The following SLC26A7 variants were observed in gnomAD, a reference collection of about 807,000 sequenced individuals.
SLC26A7 encodes the protein solute carrier family 26 member 7.
In SLC26A7, 59 loss-of-function variants were observed where a neutral mutation model predicts 82.5. That is an observed-to-expected ratio of 0.72 (90% confidence interval 0.58 to 0.89). The LOEUF (loss-of-function observed/expected upper bound fraction) is 0.89. Among genes scored for constraint, SLC26A7 ranks in the 40% least tolerant of loss-of-function variants. SLC26A7 has a pLI of 0.00. For synonymous variants in SLC26A7, 271 were observed against 274.3 expected, an observed-to-expected ratio of 0.99 and a Z score of 0.12; for missense variants, 820 against 793.0, an observed-to-expected ratio of 1.03 and a Z score of -0.41.
intron 1 of SLC26A7, among the ~76,000 whole-genome samples, chr8:91,214,476 A>G (rs903680902): frequency 6.6e-6 from 1 of 152,204 alleles, no homozygotes; most frequent in Admixed American, 6.6e-5. Flanking sequence ...AAGCTATAAT[A>G]GAAACCCTCA....
chr8:91,318,462 G>T, intron 5 of SLC26A7, 82 bp downstream of exon 5: 1 of 1,293,084 alleles, frequency 7.7e-7, no homozygotes, highest in Non-Finnish European at 1.0e-6. Flanking sequence ...ATAGTACTGA[G>T]ATTTTTCTGT....
At chr8:91,213,180 G>A (rs190264701) in intron 1 of SLC26A7, among the ~76,000 whole-genome samples, 2 of 152,272 alleles carry the variant, frequency 1.3e-5, no homozygotes, top group South Asian at 2.1e-4. Context: ...CACTGTGTGG[G>A]GAAGGGAATG....
chr8:91,371,397 TC>T (rs2130882056), intron 15 of SLC26A7, among the ~76,000 whole-genome samples: 1 of 151,884 alleles, frequency 6.6e-6, no homozygotes, highest in Admixed American at 6.5e-5. Flanking sequence ...TTTCCTACCC[TC>T]CCTACTTTTG....
intron 2 of SLC26A7, among the ~76,000 whole-genome samples, chr8:91,242,784 G>T (rs1810491631): frequency 6.6e-6 from 1 of 152,154 alleles, no homozygotes; most frequent in Non-Finnish European, 1.5e-5. Flanking sequence ...AAGCCACCCA[G>T]TCTATAGTGT....
At chr8:91,393,383 G>A (rs1808460392) in intron 16 of SLC26A7, among the ~76,000 whole-genome samples, 2 of 152,024 alleles carry the variant, frequency 1.3e-5, no homozygotes, top group Non-Finnish European at 2.9e-5. Context: ...CATGCACCGG[G>A]TTTGTAGAGC....
intron 2 of SLC26A7, among the ~76,000 whole-genome samples, chr8:91,269,784 T>C (rs1272195461): frequency 6.6e-6 from 1 of 152,102 alleles, no homozygotes; most frequent in Non-Finnish European, 1.5e-5. Context: ...TGTCCCATTT[T>C]CCTTTTTCTC....
At chr8:91,313,077 T>C (rs1812534611) in intron 4 of SLC26A7, among the ~76,000 whole-genome samples, 1 of 152,176 alleles carries the variant, frequency 6.6e-6, no homozygotes, top group East Asian at 1.9e-4. Context: ...GATGTTATGA[T>C]GCTTTTGCTC....
intron 15 of SLC26A7, among the ~76,000 whole-genome samples, chr8:91,386,383 A>C (rs973648509): frequency 2.6e-5 from 4 of 152,118 alleles, no homozygotes. Context: ...TTTCTACGGA[A>C]ATTTTTGAAC....
intron 6 of SLC26A7, among the ~76,000 whole-genome samples, chr8:91,334,915 G>A (rs1443809006): frequency 6.6e-6 from 1 of 152,056 alleles, no homozygotes. Context: ...TTCATTGAAA[G>A]GATGCTCATG....
Position 91,241,099 on chromosome 8 carries a change from C to T in SLC26A7, c.-33-8520C>T, listed in dbSNP as rs895371983. Among the ~76,000 whole-genome samples the T allele has an allele frequency of 4.8e-4, 73 of 152,196 alleles. 1 individual carries two copies. The highest frequency in any genetic ancestry group is 1.7e-3 in the African/African-American group (71 of 41,536). ...AGATTTATTCTCAGAGATGTCTACC[C>T]TAGTGTTATCTGTAATAATAATAAA... On this transcript the variant is annotated intron_variant, in intron 2 of 5. Transcript: ENST00000522862.
In SLC26A7 at chr8:91,352,994, T is replaced by A. The variant is rs993642667; in HGVS notation, c.1312T>A (p.Trp438Arg). The A allele has an allele frequency of 1.9e-6, 3 of 1,602,560 alleles. No individual in the cohort carries two copies. Among genetic ancestry groups the A allele is most frequent in the Non-Finnish European group, 1.7e-6 (2 of 1,173,548 alleles). The change falls in exon 11 of 19, where the codon TGG becomes AGG. Residue 438 changes from tryptophan (W) to arginine (R), a missense_variant and splice_region_variant. Physicochemically the swap from Trp to Arg is moderately radical, Grantham distance 101 (BLOSUM62 -3). Coordinates refer to ENST00000276609, the MANE Select transcript of SLC26A7 (RefSeq NM_052832.4). ...ATATTGGAATGTGGATAAAATCGAT[T>A]GGGTAAGTAGAAATTTGACCTAAAA... ...KKYWNVDKID[W>R]GIWVSTYVFT...
At chr8:91,368,175 C>G (rs898729271) in intron 14 of SLC26A7, among the ~76,000 whole-genome samples, 4 of 152,044 alleles carry the variant, frequency 2.6e-5, no homozygotes, top group Non-Finnish European at 5.9e-5. Context: ...TCAAGGGTAC[C>G]TACAATCAAC....
At chr8:91,275,385 A>C (rs189918113) in intron 2 of SLC26A7, among the ~76,000 whole-genome samples, 31 of 152,176 alleles carry the variant, frequency 2.0e-4, no homozygotes, top group Non-Finnish European at 3.4e-4. Context: ...TGCAGCCTTG[A>C]CCTCCCAGTC....
At chr8:91,234,835 C>G (rs886164851) in intron 2 of SLC26A7, among the ~76,000 whole-genome samples, 1 of 144,000 alleles carries the variant, frequency 6.9e-6, no homozygotes, top group African/African-American at 2.6e-5. Flanking sequence ...CTACTTCCTT[C>G]CTTCCTTCCT....
chr8:91,249,973 A>C, intron 2 of SLC26A7, 129 bp downstream of exon 2: 1 of 631,464 alleles, frequency 1.6e-6, no homozygotes, highest in Non-Finnish European at 2.4e-6. Context: ...GGAAACAAGC[A>C]TATTGGATAT....
intron 4 of SLC26A7, among the ~76,000 whole-genome samples, chr8:91,308,161 G>T (rs1812375126): frequency 6.6e-6 from 1 of 151,890 alleles, no homozygotes; most frequent in African/African-American, 2.4e-5. Flanking sequence ...TACTGGTCAG[G>T]TAGTCTACAG....
chr8:91,230,288 A>G (rs566026794), intron 2 of SLC26A7, among the ~76,000 whole-genome samples: 1 of 152,204 alleles, frequency 6.6e-6, no homozygotes, highest in African/African-American at 2.4e-5. Context: ...GTTAGCTGCC[A>G]GTTATGTTCT....
chr8:91,363,489 TA>T lies in SLC26A7; in HGVS notation c.1445del (p.Asn482IlefsTer2). 4.0e-6 allele frequency: 6 copies of T among 1,505,100 alleles called. No homozygotes were observed. The highest frequency in any genetic ancestry group is 1.4e-5 in the African/African-American group (1 of 71,956). 93.2% of individuals were successfully genotyped at this position (1,505,100 alleles called of 1,614,324 possible). Reference sequence around the variant, plus strand: ...AATTTCAGAGCAATGACTGTAAGTATAAAAAATATGAAAGAAATGGAATTTA... The same window carrying T: ...AATTTCAGAGCAATGACTGTAAGTATAAAAATATGAAAGAAATGGAATTTA... Reference protein sequence around the residue: ...GRFPRAMTVSIKNMKEMEFKV... With the variant: ...GRFPRAMTVSXKNMKEMEFKV... On this transcript the variant is annotated frameshift_variant, in exon 13 of 19. Transcript: ENST00000276609. LOFTEE classifies it high-confidence loss of function.
At chr8:91,257,853 T>C (rs1278140612) in intron 2 of SLC26A7, among the ~76,000 whole-genome samples, 1 of 152,054 alleles carries the variant, frequency 6.6e-6, no homozygotes, top group African/African-American at 2.4e-5. Context: ...TACCTGAGAC[T>C]GGGTAATTTA....
Sources: gnomAD v4.1 joint callset for allele counts (sites outside exome capture counted in the v4.1 genomes callset) on GRCh38, gnomAD v4.1.1 for gene constraint, MANE v1.5 for transcripts, NCBI Gene and HGNC (gene_info 2026-07-23, HGNC 2026-07-21) for gene names.